COL25A1: variants seen among roughly 807,000 people sequenced by gnomAD.
COL25A1 encodes the protein collagen alpha-1(XXV) chain.
Under a neutral mutation model 128.4 loss-of-function variants are expected in COL25A1, and 103 were observed. The observed-to-expected ratio is 0.80, with a 90% confidence interval of 0.68 to 0.94. The LOEUF (loss-of-function observed/expected upper bound fraction) is 0.94, where lower values mean the gene tolerates loss of function less well. Among genes scored for constraint, COL25A1 ranks in the 40% least tolerant of loss-of-function variants. The pLI is 0.00. For synonymous variants in COL25A1, 279 were observed against 277.2 expected (o/e 1.01, Z -0.06); for missense variants, 745 against 840.0 (o/e 0.89, Z 1.40).
chr4:109,100,080 G>A (rs1765752699), intron 3 of COL25A1, among the ~76,000 whole-genome samples: 1 of 152,074 alleles, frequency 6.6e-6, no homozygotes. Context: ...AAGAAATCGG[G>A]CACATCCATA....
chr4:109,209,279 CT>C (rs1459754043), intron 3 of COL25A1, among the ~76,000 whole-genome samples: 1 of 151,840 alleles, frequency 6.6e-6, no homozygotes, highest in Non-Finnish European at 1.5e-5. Context: ...CATAACAATG[CT>C]GAATAGTAAA....
intron 3 of COL25A1, among the ~76,000 whole-genome samples, chr4:109,288,601 C>A (rs559082325): frequency 6.8e-4 from 103 of 152,132 alleles, no homozygotes; most frequent in African/African-American, 2.5e-3. Context: ...ACATAATTTT[C>A]CAAAACACAA....
chr4:108,995,278 C>G (rs1249026544), intron 6 of COL25A1, among the ~76,000 whole-genome samples: 1 of 152,114 alleles, frequency 6.6e-6, no homozygotes, highest in Non-Finnish European at 1.5e-5. Flanking sequence ...GCTTAAATGA[C>G]CTGATGGAGC....
chr4:108,892,329 GCA>G (rs1741608694), intron 16 of COL25A1, among the ~76,000 whole-genome samples: 1 of 152,192 alleles, frequency 6.6e-6, no homozygotes, highest in South Asian at 2.1e-4. Flanking sequence ...TTTCATTCAA[GCA>G]CAGTTTCCAT....
intron 6 of COL25A1, among the ~76,000 whole-genome samples, chr4:108,984,667 C>T (rs903777314): frequency 1.3e-5 from 2 of 152,214 alleles, no homozygotes; most frequent in African/African-American, 2.4e-5. Context: ...GCTGAGCCCA[C>T]GCCCACCCGG....
At chr4:108,824,909 T>C (rs1732186609) in intron 34 of COL25A1, among the ~76,000 whole-genome samples, 1 of 152,190 alleles carries the variant, frequency 6.6e-6, no homozygotes, top group Non-Finnish European at 1.5e-5. Context: ...TTTTCATAAA[T>C]AGGTCATGCT....
At chr4:109,169,010 C>T (rs2526436) in intron 3 of COL25A1, among the ~76,000 whole-genome samples, 85,408 of 151,794 alleles carry the variant, frequency 0.56, 25,142 homozygotes, top group South Asian at 0.68. Context: ...CAGAAAATTC[C>T]CATTAAAAAT....
intron 3 of COL25A1, among the ~76,000 whole-genome samples, chr4:109,290,104 T>A (rs922771941): frequency 6.6e-6 from 1 of 152,072 alleles, no homozygotes; most frequent in Admixed American, 6.6e-5. Flanking sequence ...TGAGGATTGA[T>A]GATGGAAGCA....
chr4:109,021,402 C>G (rs1216285446), intron 5 of COL25A1, among the ~76,000 whole-genome samples: 1 of 152,156 alleles, frequency 6.6e-6, no homozygotes, highest in Non-Finnish European at 1.5e-5. Flanking sequence ...TTATCACTTC[C>G]CTAATAATAC....
At chr4:108,839,206 C>T (rs960420362) in intron 31 of COL25A1, among the ~76,000 whole-genome samples, 9 of 152,122 alleles carry the variant, frequency 5.9e-5, no homozygotes, top group African/African-American at 1.9e-4. Flanking sequence ...CCACCCAGTC[C>T]ATGGTAACAC....
At chr4:109,169,818 A>C (rs907845087) in intron 3 of COL25A1, among the ~76,000 whole-genome samples, 2 of 152,168 alleles carry the variant, frequency 1.3e-5, no homozygotes, top group Non-Finnish European at 2.9e-5. Context: ...AAATATTTAA[A>C]ATTTTCTTAT....
At chr4:109,140,896 T>G (rs1266661466) in intron 3 of COL25A1, among the ~76,000 whole-genome samples, 1 of 152,178 alleles carries the variant, frequency 6.6e-6, no homozygotes, top group African/African-American at 2.4e-5. Context: ...CAATTTGACT[T>G]CCTCTCCTCC....
chr4:109,270,742 T>C (rs1185778593), intron 3 of COL25A1, among the ~76,000 whole-genome samples: 1 of 152,170 alleles, frequency 6.6e-6, no homozygotes, highest in Non-Finnish European at 1.5e-5. Flanking sequence ...ATTTACTCAG[T>C]AAATATTTTT....
intron 5 of COL25A1, among the ~76,000 whole-genome samples, chr4:109,018,707 A>C (rs1757433678): frequency 6.6e-6 from 1 of 152,214 alleles, no homozygotes. Flanking sequence ...TATAAGGTGC[A>C]TCTGAAACAA....
intron 24 of COL25A1, among the ~76,000 whole-genome samples, chr4:108,855,211 A>T (rs58288812): frequency 0.29 from 18,479 of 64,326 alleles, 1,470 homozygotes; most frequent in African/African-American, 0.32. Context: ...TTTATTTTTT[A>T]AATTGTTGTA....
intron 3 of COL25A1, among the ~76,000 whole-genome samples, chr4:109,212,724 G>A (rs1777676473): frequency 6.6e-6 from 1 of 151,998 alleles, no homozygotes; most frequent in Non-Finnish European, 1.5e-5. Flanking sequence ...ATGTATATGA[G>A]GATAAAATTA....
At chr4:108,825,083 T>C in intron 34 of COL25A1, 113 bp downstream of exon 34, 1 of 784,196 alleles carries the variant, frequency 1.3e-6, no homozygotes, top group Non-Finnish European at 2.1e-6. Context: ...GCAATATATG[T>C]TCTATGCATA....
rs185407766 is a variant in COL25A1 at position 108,997,873 on chromosome 4, C to T, written c.438+12485G>A. Among the ~76,000 whole-genome samples the T allele has an allele frequency of 3.9e-3, 590 of 152,256 alleles. 3 individuals carry two copies. The highest frequency in any genetic ancestry group is 6.7e-3 in the Non-Finnish European group (455 of 68,026). On this transcript the variant is annotated intron_variant, in intron 6 of 37. Coordinates refer to ENST00000399132, the MANE Select transcript of COL25A1 (RefSeq NM_198721.4). The stretch of plus-strand genomic sequence containing the variant: ...AAGTAAACAGAACCAATGACAAAAA[C>T]CACATGATTATCTCAATTGATGCAG...
At chr4:108,873,473 C>T (rs752011235) in intron 19 of COL25A1, among the ~76,000 whole-genome samples, 1 of 151,792 alleles carries the variant, frequency 6.6e-6, no homozygotes, top group Non-Finnish European at 1.5e-5. Flanking sequence ...GCAATAAATG[C>T]TTGTTATTAT....
Sources: gnomAD v4.1 joint callset for allele counts (sites outside exome capture counted in the v4.1 genomes callset) on GRCh38, gnomAD v4.1.1 for gene constraint, MANE v1.5 for transcripts, NCBI Gene and HGNC (gene_info 2026-07-23, HGNC 2026-07-21) for gene names.